The following AMACR variants were observed in gnomAD, a reference collection of about 807,000 sequenced individuals.
AMACR encodes the protein alpha-methylacyl-CoA racemase, also known as 2-methylacyl-CoA racemase.
Under a neutral mutation model 22.2 loss-of-function variants are expected in AMACR, and 18 were observed. That is an observed-to-expected ratio of 0.81 (90% confidence interval 0.56 to 1.20). The LOEUF (loss-of-function observed/expected upper bound fraction) is 1.20. Ranked by LOEUF, AMACR falls within the 50% of genes most tolerant of loss-of-function variation. The probability of loss-of-function intolerance (pLI) is 0.00; values close to 1 mark genes in which losing one functional copy is unlikely to be tolerated. For synonymous variants in AMACR, 213 were observed against 191.3 expected (o/e 1.11, Z -0.94); for missense variants, 499 against 490.6 (o/e 1.02, Z -0.16).
intron 4 of AMACR, chr5:33,997,120 G>A: frequency 1.3e-6 from 1 of 750,140 alleles, no homozygotes; most frequent in Non-Finnish European, 2.5e-6. Flanking sequence ...AAGTTCAACG[G>A]CAGTTTCCTT....
intron 1 of AMACR, among the ~76,000 whole-genome samples, chr5:34,006,531 T>C (rs1291353251): frequency 2.0e-5 from 3 of 152,164 alleles, no homozygotes; most frequent in African/African-American, 7.2e-5. Flanking sequence ...ATCTTTACCT[T>C]CCTAAGGCTA....
chr5:34,005,920 C>G (rs1372990170), intron 1 of AMACR, 21 bp from the exon 2 acceptor site: 2 of 1,613,690 alleles, frequency 1.2e-6, no homozygotes, highest in Admixed American at 1.7e-5. Flanking sequence ...AAGTAACGAT[C>G]TTCTTAAGAG....
At chr5:33,989,723 C>T (rs1753418210) in intron 4 of AMACR, among the ~76,000 whole-genome samples, 1 of 152,104 alleles carries the variant, frequency 6.6e-6, no homozygotes, top group African/African-American at 2.4e-5. Context: ...TTTTATTATT[C>T]ACATTTCATC....
rs181895748 is a variant in AMACR, at chr5:33,988,705, C to T, written c.*388G>A. On this transcript the variant is annotated 3_prime_UTR_variant, in exon 5 of 5. Coordinates refer to ENST00000335606, the MANE Select transcript of AMACR (RefSeq NM_014324.6). Reference sequence around the variant, plus strand: ...ACTTTTATCACCATACAATTTGTGGCATTTCCTCATTTTCTACATTGTAGA... The same window carrying T: ...ACTTTTATCACCATACAATTTGTGGTATTTCCTCATTTTCTACATTGTAGA... 2.7e-5 allele frequency: 32 copies of T among 1,194,060 alleles called. No individual in the cohort carries two copies. In the Admixed American group the frequency reaches 5.1e-4, roughly 19 times the overall value. 74.0% of individuals were successfully genotyped at this position (1,194,060 alleles called of 1,614,324 possible). A position where few individuals can be genotyped will look rare whatever the true frequency, so the allele number is the denominator to read the frequency against.
At chr5:33,992,366 A>G (rs1579573255) in intron 4 of AMACR, among the ~76,000 whole-genome samples, 1 of 150,080 alleles carries the variant, frequency 6.7e-6, no homozygotes, top group Non-Finnish European at 1.5e-5. Context: ...ATAAAAAGCT[A>G]TAAATTATAA....
In AMACR at chr5:33,988,211, A is replaced by G. The variant is rs1753355476; in HGVS notation, c.*882T>C. The G allele has an allele frequency of 8.8e-7, 1 of 1,140,160 alleles. No individual in the cohort carries two copies. Among genetic ancestry groups the G allele is most frequent in the South Asian group, 1.5e-5 (1 of 65,988 alleles). The allele number at this position is 1,140,160 out of a possible 1,614,324, so 70.6% of individuals were successfully genotyped here. A position where few individuals can be genotyped will look rare whatever the true frequency, so the allele number is the denominator to read the frequency against. Reference sequence around the variant, plus strand: ...AGCAGGCTGGTTTTATGTAAAGACAATCCCGTCTTCTTTGTCAAAGACAGG... The same window carrying G: ...AGCAGGCTGGTTTTATGTAAAGACAGTCCCGTCTTCTTTGTCAAAGACAGG... On this transcript the variant is annotated 3_prime_UTR_variant, in exon 5 of 5. Transcript: ENST00000335606.
chr5:33,989,582 C>CAATAAAAA, intron 4 of AMACR, 80 bp from the exon 5 acceptor site: 1 of 1,142,106 alleles, frequency 8.8e-7, no homozygotes, highest in Non-Finnish European at 1.3e-6. Flanking sequence ...GCTGAGCCCA[C>CAATAAAAA]TGTACTATGC....
At chr5:34,005,694 A>T in intron 2 of AMACR, 62 bp downstream of exon 2, 1 of 1,588,464 alleles carries the variant, frequency 6.3e-7, no homozygotes, top group Admixed American at 1.7e-5. Context: ...TTGTTAATCA[A>T]CATACCTGTA....
intron 4 of AMACR, 119 bp downstream of exon 4, chr5:33,998,522 G>T: frequency 3.0e-6 from 3 of 1,010,126 alleles, no homozygotes; most frequent in Non-Finnish European, 4.3e-6. Flanking sequence ...CTATAATTAG[G>T]TTAATTAGAA....
At chr5:34,001,975 C>G (rs967171759) in intron 3 of AMACR, among the ~76,000 whole-genome samples, 1 of 152,152 alleles carries the variant, frequency 6.6e-6, no homozygotes, top group Non-Finnish European at 1.5e-5. Context: ...TTCACATACC[C>G]TAAAACCTTA....
chr5:33,999,995 T>C (rs1260812892), intron 3 of AMACR, among the ~76,000 whole-genome samples: 1 of 152,262 alleles, frequency 6.6e-6, no homozygotes, highest in East Asian at 1.9e-4. Flanking sequence ...TTATGTTATT[T>C]AAGCACATAT....
intron 4 of AMACR, among the ~76,000 whole-genome samples, chr5:33,989,881 T>A (rs1753422858): frequency 6.6e-6 from 1 of 152,162 alleles, no homozygotes; most frequent in African/African-American, 2.4e-5. Context: ...TCAAACCTTA[T>A]AAAAAAATAA....
chr5:33,993,586 T>C (rs968685413), intron 4 of AMACR, among the ~76,000 whole-genome samples: 2 of 152,198 alleles, frequency 1.3e-5, no homozygotes, highest in Non-Finnish European at 2.9e-5. Context: ...ACACTTGTTA[T>C]TTTGTATTTT....
intron 4 of AMACR, among the ~76,000 whole-genome samples, chr5:33,991,234 A>G (rs1753463781): frequency 6.6e-6 from 1 of 152,072 alleles, no homozygotes; most frequent in African/African-American, 2.4e-5. Flanking sequence ...CCTAACTCTA[A>G]CACCCCAATT....
At chr5:34,007,581 G>A (rs1054122842) in intron 1 of AMACR, among the ~76,000 whole-genome samples, 192 bp downstream of exon 1, 23 of 152,166 alleles carry the variant, frequency 1.5e-4, no homozygotes, top group African/African-American at 5.6e-4. Context: ...CAGAACCCAA[G>A]TTTTGGACAA....
At chr5:33,991,592 C>T (rs1228869059) in intron 4 of AMACR, among the ~76,000 whole-genome samples, 2 of 152,006 alleles carry the variant, frequency 1.3e-5, no homozygotes, top group Non-Finnish European at 2.9e-5. Flanking sequence ...ACACACGTTA[C>T]ACAAAATGCT....
intron 4 of AMACR, among the ~76,000 whole-genome samples, chr5:33,996,376 C>G (rs1753636347): frequency 6.6e-6 from 1 of 152,154 alleles, no homozygotes; most frequent in South Asian, 2.1e-4. Flanking sequence ...GTATGAATGC[C>G]TGGGAGAGAT....
intron 2 of AMACR, 97 bp from the exon 3 acceptor site, chr5:34,004,831 C>T (rs2112070357): frequency 7.1e-7 from 1 of 1,406,680 alleles, no homozygotes; most frequent in Non-Finnish European, 9.8e-7. Context: ...ATCTCTCCAG[C>T]AGATAATCTA....
chr5:33,993,755 C>T (rs532034838), intron 4 of AMACR, among the ~76,000 whole-genome samples: 5 of 151,996 alleles, frequency 3.3e-5, no homozygotes, highest in East Asian at 1.9e-4. Flanking sequence ...AAAAATTAGC[C>T]GGGCGTGGTG....
Sources: gnomAD v4.1 joint callset for allele counts (sites outside exome capture counted in the v4.1 genomes callset) on GRCh38, gnomAD v4.1.1 for gene constraint, MANE v1.5 for transcripts, NCBI Gene and HGNC (gene_info 2026-07-23, HGNC 2026-07-21) for gene names.